EPHA3: variants seen among roughly 807,000 people sequenced by gnomAD.
EPHA3 encodes EPH receptor A3.
In EPHA3, 42 loss-of-function variants were observed where a neutral mutation model predicts 107.1. The observed-to-expected ratio is 0.39, with a 90% CI of 0.31 to 0.51. The LOEUF is 0.51. Among genes scored for constraint, EPHA3 ranks in the 20% least tolerant of loss-of-function variants. The pLI, the probability that EPHA3 is intolerant of heterozygous loss-of-function variation, is 0.78. For synonymous variants in EPHA3, 461 were observed against 424.8 expected, an observed-to-expected ratio of 1.09 and a Z score of -1.05; for missense variants, 1,183 against 1,211.2, an observed-to-expected ratio of 0.98 and a Z score of 0.35.
chr3:89,264,202 A>G (rs1216884277), intron 3 of EPHA3, among the ~76,000 whole-genome samples: 1 of 152,176 alleles, frequency 6.6e-6, no homozygotes, highest in African/African-American at 2.4e-5. Flanking sequence ...AAATCTGTGA[A>G]ACTCTTAAAT....
Position 89,284,634 on chromosome 3 carries a change from G to A in EPHA3, c.815-56282G>A, listed in dbSNP as rs146083293. Reference sequence around the variant, plus strand: ...ACAAAATAAAATTATATTATTTCCCGTAATCTATGCCTCCATCAGACCCCT... The same window carrying A: ...ACAAAATAAAATTATATTATTTCCCATAATCTATGCCTCCATCAGACCCCT... On this transcript the variant is annotated intron_variant, in intron 3 of 16. Coordinates refer to ENST00000336596, the MANE Select transcript of EPHA3 (RefSeq NM_005233.6). Among the ~76,000 whole-genome samples, 164 of 151,938 alleles carry A rather than the reference G, an allele frequency of 1.1e-3. 1 individual carries two copies. Among genetic ancestry groups the A allele is most frequent in the African/African-American group, 3.8e-3 (156 of 41,450 alleles).
At chr3:89,322,762 T>C (rs1707073615) in intron 3 of EPHA3, among the ~76,000 whole-genome samples, 1 of 152,170 alleles carries the variant, frequency 6.6e-6, no homozygotes, top group Non-Finnish European at 1.5e-5. Flanking sequence ...TTGGTGCTTT[T>C]ACCAGCAAGT....
intron 2 of EPHA3, among the ~76,000 whole-genome samples, chr3:89,141,754 C>T (rs1005618882): frequency 9.9e-5 from 15 of 151,334 alleles, no homozygotes; most frequent in Admixed American, 5.3e-4. Context: ...TACACACATA[C>T]GTCTAGGTGT....
intron 2 of EPHA3, among the ~76,000 whole-genome samples, chr3:89,192,443 AG>A (rs1461911309): frequency 6.6e-6 from 1 of 151,942 alleles, no homozygotes; most frequent in Non-Finnish European, 1.5e-5. Flanking sequence ...TATAAATAAA[AG>A]GTAAAATATA....
chr3:89,174,401 A>T (rs1286430556), intron 2 of EPHA3, among the ~76,000 whole-genome samples: 1 of 152,014 alleles, frequency 6.6e-6, no homozygotes, highest in East Asian at 1.9e-4. Flanking sequence ...TATTGTTTTT[A>T]TCAGGGAAAT....
intron 2 of EPHA3, among the ~76,000 whole-genome samples, chr3:89,174,297 C>G (rs1308047835): frequency 6.6e-6 from 1 of 151,972 alleles, no homozygotes; most frequent in Non-Finnish European, 1.5e-5. Flanking sequence ...ATATCTGTCT[C>G]TAGGAGTGCT....
chr3:89,224,647 G>A (rs1218546800), intron 3 of EPHA3, among the ~76,000 whole-genome samples: 1 of 151,894 alleles, frequency 6.6e-6, no homozygotes, highest in Admixed American at 6.6e-5. Context: ...TCAGGAGTTC[G>A]GGACTAGCCT....
intron 2 of EPHA3, among the ~76,000 whole-genome samples, chr3:89,199,592 A>AT (rs1705922361): frequency 6.6e-6 from 1 of 152,064 alleles, no homozygotes; most frequent in Non-Finnish European, 1.5e-5. Flanking sequence ...ACTTTTAATA[A>AT]TTTTTGAATT....
At chr3:89,153,571 G>T (rs540990134) in intron 2 of EPHA3, among the ~76,000 whole-genome samples, 4 of 151,974 alleles carry the variant, frequency 2.6e-5, no homozygotes, top group Admixed American at 1.3e-4. Context: ...CATTTCACTT[G>T]CAGTGGTGGC....
Position 89,481,341 on chromosome 3 carries a change from A to C in EPHA3, c.*1839A>C, listed in dbSNP as rs1259012623. 1.3e-5 allele frequency: 3 copies of C among 232,078 alleles called. No individual in the cohort carries two copies. The East Asian group carries it at 1.8e-4, about 14-fold the overall frequency. The allele number at this position is 232,078 out of a possible 1,614,324, so 14.4% of individuals were successfully genotyped here. A position where few individuals can be genotyped will look rare whatever the true frequency, so the allele number is the denominator to read the frequency against. On this transcript the variant is annotated 3_prime_UTR_variant, in exon 17 of 17. Coordinates refer to ENST00000336596, the MANE Select transcript of EPHA3 (RefSeq NM_005233.6). ...TACTAGAATTCTGTATTGGATATAT[A>C]AGAGCATGAAATTTTTAAAAATACA...
At chr3:89,433,672 T>C (rs1055979636) in intron 13 of EPHA3, among the ~76,000 whole-genome samples, 2 of 152,228 alleles carry the variant, frequency 1.3e-5, no homozygotes, top group Non-Finnish European at 2.9e-5. Context: ...AAAAATGTTG[T>C]TCTTAACAAA....
chr3:89,383,809 C>T (rs1472176348), intron 5 of EPHA3, among the ~76,000 whole-genome samples: 10 of 151,582 alleles, frequency 6.6e-5, no homozygotes, highest in Non-Finnish European at 1.0e-4. Context: ...CCACCACGCC[C>T]GGCTAATTTT....
intron 3 of EPHA3, among the ~76,000 whole-genome samples, chr3:89,269,414 A>G (rs1196930340): frequency 6.6e-6 from 1 of 151,944 alleles, no homozygotes; most frequent in Non-Finnish European, 1.5e-5. Context: ...CTTGATGTAC[A>G]GGGCATAGAG....
At chr3:89,187,808 T>A (rs192864832) in intron 2 of EPHA3, among the ~76,000 whole-genome samples, 2 of 152,194 alleles carry the variant, frequency 1.3e-5, no homozygotes, top group East Asian at 3.8e-4. Flanking sequence ...CATAGCTTTG[T>A]AGGAACACTT....
chr3:89,364,148 G>C (rs1164599833), intron 5 of EPHA3, among the ~76,000 whole-genome samples: 3 of 150,796 alleles, frequency 2.0e-5, no homozygotes, highest in Non-Finnish European at 4.5e-5. Context: ...TCACTACACT[G>C]TTTCCCTTTA....
chr3:89,408,174 A>G (rs765697846), intron 9 of EPHA3, 43 bp downstream of exon 9: 3 of 1,583,552 alleles, frequency 1.9e-6, no homozygotes, highest in Non-Finnish European at 2.6e-6. Flanking sequence ...TCACCGTTTT[A>G]GCTTTAGCAG....
intron 2 of EPHA3, among the ~76,000 whole-genome samples, chr3:89,180,750 G>T (rs1232004494): frequency 6.6e-6 from 1 of 151,882 alleles, no homozygotes; most frequent in African/African-American, 2.4e-5. Context: ...GAAAAAAATA[G>T]ACTTGTTTCC....
chr3:89,317,367 T>C (rs560035904), intron 3 of EPHA3, among the ~76,000 whole-genome samples: 1 of 151,888 alleles, frequency 6.6e-6, no homozygotes, highest in Non-Finnish European at 1.5e-5. Context: ...GATCTGGATG[T>C]GTTTAAATCT....
rs556754042 is a variant in EPHA3 at position 89,450,199 on chromosome 3, G to T, written c.2519G>T (p.Gly840Val). The T allele has an allele frequency of 6.2e-7, 1 of 1,607,190 alleles. No individual in the cohort carries two copies. The highest frequency in any genetic ancestry group is 2.2e-5 in the East Asian group (1 of 44,628). ...NQDVIKAVDEGYRLPPPMDCP... is the reference protein window; with the variant it reads ...NQDVIKAVDEVYRLPPPMDCP... The stretch of plus-strand genomic sequence containing the variant: ...CAGGTAATTAAAGCTGTAGATGAGG[G>T]CTATCGACTGCCACCCCCCATGGAC... Residue 840 changes from glycine to valine, a missense_variant, in exon 15 of 17, where the codon GGC (glycine) becomes GTC (valine). Gly to Val is a moderately radical substitution (Grantham distance 109). Coordinates refer to ENST00000336596, the MANE Select transcript of EPHA3 (RefSeq NM_005233.6).
Sources: gnomAD v4.1 joint callset for allele counts (sites outside exome capture counted in the v4.1 genomes callset) on GRCh38, gnomAD v4.1.1 for gene constraint, MANE v1.5 for transcripts, NCBI Gene and HGNC (gene_info 2026-07-23, HGNC 2026-07-21) for gene names.